The following ME3 variants were observed in gnomAD, a reference collection of about 807,000 sequenced individuals.
ME3 encodes NADP-dependent malic enzyme, mitochondrial.
In ME3, 48 loss-of-function variants were observed where a neutral mutation model predicts 68.9. The ratio of observed to expected loss-of-function variants is 0.70; its 90% CI spans 0.55 to 0.89. The LOEUF (loss-of-function observed/expected upper bound fraction) is 0.89, where lower values mean the gene tolerates loss of function less well. ME3 is among the 40% of genes least tolerant of loss of function. The pLI is 0.00. For missense variants in ME3, 675 were observed against 797.4 expected (o/e 0.85, Z 1.85); for synonymous variants, 320 against 318.8 (o/e 1.00, Z -0.04).
chr11:86,663,789 A>C (rs533036803), intron 2 of ME3, among the ~76,000 whole-genome samples: 1 of 152,328 alleles, frequency 6.6e-6, no homozygotes, highest in South Asian at 2.1e-4. Context: ...GGCCAACATA[A>C]ATTGGAAACA....
At chr11:86,546,339 C>G (rs1956357346) in intron 4 of ME3, among the ~76,000 whole-genome samples, 1 of 152,192 alleles carries the variant, frequency 6.6e-6, no homozygotes, top group Non-Finnish European at 1.5e-5. Flanking sequence ...TAAAAAGCTT[C>G]TGCACAGCAA....
intron 8 of ME3, among the ~76,000 whole-genome samples, chr11:86,461,257 AC>A (rs1275188292): frequency 6.6e-6 from 1 of 151,470 alleles, no homozygotes; most frequent in African/African-American, 2.4e-5. Context: ...GCAAGCTTTA[AC>A]CCCCTGGGCT....
At chr11:86,457,214 T>G (rs1949990526) in intron 8 of ME3, among the ~76,000 whole-genome samples, 1 of 152,222 alleles carries the variant, frequency 6.6e-6, no homozygotes, top group Admixed American at 6.5e-5. Context: ...ACTTCCATCT[T>G]TAAAAGGCCC....
chr11:86,507,055 G>T (rs1953132934), intron 5 of ME3, among the ~76,000 whole-genome samples: 1 of 152,234 alleles, frequency 6.6e-6, no homozygotes, highest in South Asian at 2.1e-4. Flanking sequence ...CTTGGCTATG[G>T]CTCGAGCCTG....
At chr11:86,530,244 C>T (rs1308544005) in intron 4 of ME3, among the ~76,000 whole-genome samples, 1 of 152,078 alleles carries the variant, frequency 6.6e-6, no homozygotes, top group East Asian at 1.9e-4. Flanking sequence ...AACTCCCATT[C>T]ACAAATGCTT....
chr11:86,562,929 T>G (rs1339815446), intron 2 of ME3, among the ~76,000 whole-genome samples: 6 of 152,236 alleles, frequency 3.9e-5, no homozygotes, highest in African/African-American at 1.2e-4. Context: ...GGTATTTGGA[T>G]TTCTGTTCCT....
chr11:86,464,173 C>CA, intron 8 of ME3: 1 of 403,640 alleles, frequency 2.5e-6, no homozygotes, highest in Admixed American at 3.4e-5. Context: ...CCAGGGCCAA[C>CA]ACCTGTCTCT....
intron 4 of ME3, among the ~76,000 whole-genome samples, chr11:86,532,095 G>T (rs1955291592): frequency 6.6e-6 from 1 of 151,738 alleles, no homozygotes; most frequent in South Asian, 2.1e-4. Context: ...GAACAGTATA[G>T]ATATTAAATC....
intron 2 of ME3, among the ~76,000 whole-genome samples, chr11:86,638,798 A>T (rs926855268): frequency 6.6e-6 from 1 of 152,236 alleles, no homozygotes; most frequent in African/African-American, 2.4e-5. Flanking sequence ...CCTTCCCAAG[A>T]TCACACTGCT....
downstream of ME3, among the ~76,000 whole-genome samples, chr11:86,438,614 A>G (rs1165271203): frequency 6.6e-6 from 1 of 152,082 alleles, no homozygotes; most frequent in Non-Finnish European, 1.5e-5. Flanking sequence ...TTCTTGGGGG[A>G]AAGATTTTTT....
chr11:86,561,885 G>T (rs970678017), intron 2 of ME3, among the ~76,000 whole-genome samples: 1 of 151,994 alleles, frequency 6.6e-6, no homozygotes, highest in African/African-American at 2.4e-5. Flanking sequence ...TCTTGTCATA[G>T]TCTGCATTCC....
At chr11:86,442,319 G>A (rs1314143921) in intron 14 of ME3, among the ~76,000 whole-genome samples, 2 of 152,176 alleles carry the variant, frequency 1.3e-5, no homozygotes, top group Admixed American at 6.5e-5. Flanking sequence ...AGAGCACTGG[G>A]TATGGAGCTT....
chr11:86,523,181 T>A (rs1183918378), intron 4 of ME3, among the ~76,000 whole-genome samples: 4 of 152,166 alleles, frequency 2.6e-5, no homozygotes, highest in African/African-American at 9.7e-5. Flanking sequence ...ATGTAAAAAG[T>A]AAGAAAGAAG....
At chr11:86,629,983 G>A (rs1037369235) in intron 2 of ME3, among the ~76,000 whole-genome samples, 1 of 152,094 alleles carries the variant, frequency 6.6e-6, no homozygotes, top group Non-Finnish European at 1.5e-5. Context: ...TCTGAATAAT[G>A]CCTACACAAG....
chr11:86,661,821 T>A (rs1946297063), intron 2 of ME3, among the ~76,000 whole-genome samples: 1 of 150,794 alleles, frequency 6.6e-6, no homozygotes, highest in African/African-American at 2.4e-5. Flanking sequence ...TATAAGCTCC[T>A]TCAAGGCAGA....
intron 5 of ME3, among the ~76,000 whole-genome samples, chr11:86,502,831 T>C (rs1233230093): frequency 6.6e-6 from 1 of 152,098 alleles, no homozygotes; most frequent in African/African-American, 2.4e-5. Context: ...CTAAGGCCTT[T>C]TCTGAATTAT....
intron 4 of ME3, among the ~76,000 whole-genome samples, chr11:86,528,612 C>G (rs1013947307): frequency 6.6e-6 from 1 of 152,224 alleles, no homozygotes; most frequent in South Asian, 2.1e-4. Context: ...GGAAGTAAAG[C>G]ACTCCTCAGC....
At chr11:86,662,977 C>T (rs1347918590) in intron 2 of ME3, among the ~76,000 whole-genome samples, 2 of 152,112 alleles carry the variant, frequency 1.3e-5, no homozygotes, top group Non-Finnish European at 2.9e-5. Context: ...GATGTAGACT[C>T]CCTCCTTCAG....
chr11:86,531,154 A>G lies in ME3; in HGVS notation c.468-22287T>C, dbSNP rs550824905. 5.3e-3 allele frequency among the ~76,000 whole-genome samples: 807 copies of G among 151,564 alleles called. 5 individuals carry two copies. The highest frequency in any genetic ancestry group is 0.019 in the African/African-American group (772 of 41,552). The stretch of plus-strand genomic sequence containing the variant: ...AAAGAACTCAAACAAATTTACAAGA[A>G]AAAAACAAACAACCCCATCAACAAG... On this transcript the variant is annotated intron_variant, in intron 4 of 14. Coordinates refer to ENST00000543262, the Ensembl canonical transcript of ME3.
Sources: allele counts gnomAD v4.1 joint callset (sites outside exome capture counted in the v4.1 genomes callset), GRCh38; gene constraint gnomAD v4.1.1; transcripts MANE v1.5; gene names NCBI Gene and HGNC (gene_info 2026-07-23, HGNC 2026-07-21).